The following SIMC1 variants were observed in gnomAD, a reference collection of about 807,000 sequenced individuals.
SIMC1 encodes SUMO interacting motifs containing 1.
A neutral mutation model predicts 82.3 loss-of-function variants in SIMC1; 55 were observed. That is an observed-to-expected ratio of 0.67 (90% confidence interval 0.54 to 0.84). The LOEUF (loss-of-function observed/expected upper bound fraction) is 0.84, where lower values mean the gene tolerates loss of function less well. SIMC1 is among the 40% of genes least tolerant of loss of function. The pLI, the probability that SIMC1 is intolerant of heterozygous loss-of-function variation, is 0.00. For synonymous variants in SIMC1, 353 were observed against 426.3 expected, an observed-to-expected ratio of 0.83 and a Z score of 2.12; for missense variants, 915 against 1,107.2, an observed-to-expected ratio of 0.83 and a Z score of 2.46.
intron 4 of SIMC1, among the ~76,000 whole-genome samples, chr5:176,303,963 T>A (rs1764156439): frequency 6.6e-6 from 1 of 152,182 alleles, no homozygotes; most frequent in African/African-American, 2.4e-5. Flanking sequence ...GAAGAAAGCA[T>A]GGGGCAAAGC....
intron 4 of SIMC1, among the ~76,000 whole-genome samples, chr5:176,302,221 A>C (rs1446442550): frequency 6.6e-6 from 1 of 152,216 alleles, no homozygotes; most frequent in East Asian, 1.9e-4. Context: ...ACAGAGAGCC[A>C]ACTGTAAACC....
intron 1 of SIMC1, among the ~76,000 whole-genome samples, chr5:176,252,946 T>C (rs931115597): frequency 6.6e-6 from 1 of 152,216 alleles, no homozygotes; most frequent in African/African-American, 2.4e-5. Flanking sequence ...GAGACCAGCC[T>C]GGCCCACGCT....
intron 1 of SIMC1, among the ~76,000 whole-genome samples, chr5:176,252,040 T>G (rs1198228982): frequency 1.3e-5 from 2 of 152,172 alleles, no homozygotes; most frequent in Non-Finnish European, 2.9e-5. Context: ...CTTTCCCCGC[T>G]TTCTATTCCA....
chr5:176,276,540 G>A (rs1172658323), intron 1 of SIMC1, among the ~76,000 whole-genome samples: 1 of 148,942 alleles, frequency 6.7e-6, no homozygotes, highest in Non-Finnish European at 1.5e-5. Flanking sequence ...CTGGTGCGCT[G>A]CACCCACTAA....
Position 176,345,132 on chromosome 5 carries a change from A to G in SIMC1, c.2414-51A>G, listed in dbSNP as rs1766383094. The G allele has an allele frequency of 3.8e-6, 6 of 1,559,926 alleles. No homozygotes were observed. In the Admixed American group the frequency reaches 1.2e-4, roughly 31 times the overall value. ...CCTACCAAAATTAGACTTCTTAAAA[A>G]GAATTAAAAAGCAGTTCAGAGCACC... On this transcript the variant is annotated intron_variant, in intron 9 of 9. Transcript: ENST00000429602.
chr5:176,282,438 C>G (rs1404064133), intron 1 of SIMC1, among the ~76,000 whole-genome samples: 1 of 152,254 alleles, frequency 6.6e-6, no homozygotes, highest in African/African-American at 2.4e-5. Context: ...GCTGCACCCA[C>G]TGACCTGCGC....
At position 176,345,555 on chromosome 5, in the gene SIMC1, A is replaced by G. The variant is rs939773534; in HGVS notation, c.*110A>G. ...TAAAATCTTACAGGACCAAACCTGC[A>G]TTATTTAATCAGTAGGTTGTAATTT... On this transcript the variant is annotated 3_prime_UTR_variant, in exon 10 of 10. Coordinates refer to ENST00000429602, the MANE Select transcript of SIMC1 (RefSeq NM_001308195.2). The G allele has an allele frequency of 5.7e-6, 7 of 1,227,730 alleles. No individual in the cohort carries two copies. The highest frequency in any genetic ancestry group is 1.6e-5 in the South Asian group (1 of 61,058). The allele number at this position is 1,227,730 out of a possible 1,614,324, so 76.1% of individuals were successfully genotyped here. A position where few individuals can be genotyped will look rare whatever the true frequency, so the allele number is the denominator to read the frequency against.
At chr5:176,283,319 T>A (rs1479676854) in intron 1 of SIMC1, among the ~76,000 whole-genome samples, 1 of 152,210 alleles carries the variant, frequency 6.6e-6, no homozygotes, top group Non-Finnish European at 1.5e-5. Context: ...GACTAACAGC[T>A]AATCTCTTGG....
chr5:176,247,349 T>C (rs1290816829), intron 1 of SIMC1, among the ~76,000 whole-genome samples: 1 of 152,220 alleles, frequency 6.6e-6, no homozygotes, highest in African/African-American at 2.4e-5. Flanking sequence ...TGCATTTCTC[T>C]AATGACCAGT....
intron 4 of SIMC1, among the ~76,000 whole-genome samples, chr5:176,296,880 A>G (rs985433368): frequency 7.9e-5 from 12 of 152,198 alleles, no homozygotes; most frequent in African/African-American, 2.9e-4. Flanking sequence ...ATGGCTATGA[A>G]AAAAGGGGAA....
chr5:176,262,746 A>G (rs1762060204), intron 1 of SIMC1, among the ~76,000 whole-genome samples: 1 of 152,228 alleles, frequency 6.6e-6, no homozygotes, highest in South Asian at 2.1e-4. Context: ...CAGAGGTTGC[A>G]ATGAGCCGAG....
chr5:176,280,485 T>G (rs569133834), intron 1 of SIMC1, among the ~76,000 whole-genome samples: 13 of 152,294 alleles, frequency 8.5e-5, no homozygotes, highest in African/African-American at 2.9e-4. Context: ...ATTATGATGT[T>G]AGCTGGTTAT....
At position 176,248,154 on chromosome 5, in the gene SIMC1, G is replaced by A. The variant is rs1172778274; in HGVS notation, c.129+9517G>A. On this transcript the variant is annotated intron_variant, in intron 1 of 9. Transcript: ENST00000429602. Reference sequence around the variant, plus strand: ...TCTAATTCTGTGAAGAAAGTCAGTGGCAGCTTGATGGGGATAGCATTGAAT... The same window carrying A: ...TCTAATTCTGTGAAGAAAGTCAGTGACAGCTTGATGGGGATAGCATTGAAT... Among the ~76,000 whole-genome samples, 12 of 152,210 alleles carry A rather than the reference G, an allele frequency of 7.9e-5. No individual in the cohort carries two copies. In the East Asian group the frequency reaches 2.1e-3, roughly 27 times the overall value.
intron 4 of SIMC1, chr5:176,308,959 G>A (rs1764543182): frequency 1.0e-6 from 1 of 986,118 alleles, no homozygotes; most frequent in Admixed American, 1.7e-5. Flanking sequence ...AGCATTTGCA[G>A]GAATTGCAAC....
At chr5:176,311,665 AAAC>A (rs1219806954) in intron 4 of SIMC1, among the ~76,000 whole-genome samples, 1 of 152,176 alleles carries the variant, frequency 6.6e-6, no homozygotes, top group African/African-American at 2.4e-5. Flanking sequence ...GGGGAGAAAA[AAAC>A]AAAACTCTAG....
intron 1 of SIMC1, among the ~76,000 whole-genome samples, chr5:176,247,243 A>G (rs1761481751): frequency 1.3e-5 from 2 of 152,036 alleles, no homozygotes; most frequent in Admixed American, 1.3e-4. Flanking sequence ...AAGTGTTCCT[A>G]TTTCTCCACA....
rs1349148468 is a variant in SIMC1 at position 176,306,030 on chromosome 5, GT to G, written c.1735-7659del. Among the ~76,000 whole-genome samples the G allele has an allele frequency of 1.1e-4, 7 of 64,522 alleles. 1 individual carries two copies. Among genetic ancestry groups the G allele is most frequent in the African/African-American group, 1.8e-4 (3 of 16,888 alleles). The allele number at this position is 64,522 out of a possible 152,430, so 42.3% of individuals were successfully genotyped here. A position where few individuals can be genotyped will look rare whatever the true frequency, so the allele number is the denominator to read the frequency against. ...GCCAGCCGCCCCGTCCGGGAGGGAGGTTGGGGGGGGTCAGCCCCCCCGCCCG... is the reference window on the plus strand; with the variant it reads ...GCCAGCCGCCCCGTCCGGGAGGGAGGTGGGGGGGGTCAGCCCCCCCGCCCG... On this transcript the variant is annotated intron_variant, in intron 4 of 9. Coordinates refer to ENST00000429602, the MANE Select transcript of SIMC1 (RefSeq NM_001308195.2).
chr5:176,343,667 C>G (rs1368281194), intron 9 of SIMC1, among the ~76,000 whole-genome samples: 2 of 152,320 alleles, frequency 1.3e-5, no homozygotes, highest in Middle Eastern at 3.4e-3. Flanking sequence ...AGTGCGCCAT[C>G]ATAATTGTAT....
At chr5:176,289,415 GAA>G (rs373469647) in intron 1 of SIMC1, among the ~76,000 whole-genome samples, 7 of 144,672 alleles carry the variant, frequency 4.8e-5, no homozygotes, top group Admixed American at 2.8e-4. Flanking sequence ...CCTTGGACCA[GAA>G]AAAAAAAAAA....
Sources: gnomAD v4.1 joint callset for allele counts (sites outside exome capture counted in the v4.1 genomes callset) on GRCh38, gnomAD v4.1.1 for gene constraint, MANE v1.5 for transcripts, NCBI Gene and HGNC (gene_info 2026-07-23, HGNC 2026-07-21) for gene names.